Variants in TDRD3 observed in about 807,000 individuals in gnomAD.
TDRD3 encodes tudor domain containing 3.
TDRD3 carries 45 observed loss-of-function variants against 86.7 expected under a neutral mutation model. The observed-to-expected ratio is 0.52, with a 90% CI of 0.41 to 0.67. The LOEUF (loss-of-function observed/expected upper bound fraction) is 0.67, where lower values mean the gene tolerates loss of function less well. Among genes scored for constraint, TDRD3 ranks in the 30% least tolerant of loss-of-function variants. TDRD3 has a pLI of 0.00. For synonymous variants in TDRD3, 298 were observed against 301.7 expected, an observed-to-expected ratio of 0.99 and a Z score of 0.13; for missense variants, 814 against 889.0, an observed-to-expected ratio of 0.92 and a Z score of 1.07.
chr13:60,396,000 G>T (rs1953890273), upstream of TDRD3, among the ~76,000 whole-genome samples: 2 of 152,138 alleles, frequency 1.3e-5, no homozygotes, highest in Non-Finnish European at 2.9e-5. Flanking sequence ...AGACCAAACG[G>T]AATACCCCAG....
intron 11 of TDRD3, among the ~76,000 whole-genome samples, chr13:60,533,686 A>G (rs1957634638): frequency 6.6e-6 from 1 of 152,132 alleles, no homozygotes; most frequent in African/African-American, 2.4e-5. Flanking sequence ...TTATACTGTA[A>G]TAGAGTATTC....
Position 60,528,417 on chromosome 13 carries a change from A to G in TDRD3, c.1192A>G (p.Asn398Asp), listed in dbSNP as rs775468680. Residue 398 changes from asparagine (N) to aspartate (D), a missense_variant, in exon 11 of 14, where the codon AAT becomes GAT. Asn to Asp is a conservative substitution (Grantham distance 23, BLOSUM62 1). Coordinates refer to ENST00000377881, the MANE Select transcript of TDRD3 (RefSeq NM_001146070.2). Reference sequence around the variant, plus strand: ...TCATCAGGGACAATACAGATCATCAAATACTGAGCAAAATGGAGTAAAAGA... The same window carrying G: ...TCATCAGGGACAATACAGATCATCAGATACTGAGCAAAATGGAGTAAAAGA... ...QLHQGQYRSS[N>D]TEQNGVKDNN... is the part of the protein sequence containing the mutation. The G allele has an allele frequency of 2.5e-6, 4 of 1,613,364 alleles. No homozygotes were observed. In the South Asian group the frequency reaches 4.4e-5, roughly 18 times the overall value.
intron 1 of TDRD3, among the ~76,000 whole-genome samples, chr13:60,415,456 A>G (rs1246228633): frequency 2.0e-5 from 3 of 152,126 alleles, no homozygotes; most frequent in Admixed American, 6.6e-5. Context: ...TATAATTAAC[A>G]TATTGGTAAT....
intron 5 of TDRD3, among the ~76,000 whole-genome samples, chr13:60,481,153 A>C (rs755183267): frequency 7.9e-5 from 12 of 152,132 alleles, no homozygotes; most frequent in Non-Finnish European, 1.6e-4. Context: ...GGACTCTTAG[A>C]GGAGTGTTTT....
At chr13:60,461,872 C>T (rs1280893695) in intron 4 of TDRD3, among the ~76,000 whole-genome samples, 1 of 152,146 alleles carries the variant, frequency 6.6e-6, no homozygotes, top group Non-Finnish European at 1.5e-5. Flanking sequence ...CATGCAGAGA[C>T]ACAGTGTTCT....
At chr13:60,464,076 A>G (rs1482449668) in intron 4 of TDRD3, among the ~76,000 whole-genome samples, 4 of 152,122 alleles carry the variant, frequency 2.6e-5, no homozygotes, top group Admixed American at 2.6e-4. Context: ...TGTGATCTGC[A>G]TATACCCCTT....
intron 13 of TDRD3, among the ~76,000 whole-genome samples, chr13:60,569,515 A>T (rs1429425341): frequency 6.6e-6 from 1 of 152,208 alleles, no homozygotes; most frequent in Admixed American, 6.5e-5. Context: ...CAATCTACAG[A>T]TTTAATGAAA....
chr13:60,503,980 T>C (rs1056820038), intron 8 of TDRD3, among the ~76,000 whole-genome samples: 10 of 152,370 alleles, frequency 6.6e-5, no homozygotes, highest in Middle Eastern at 3.4e-3. Context: ...CAGATTGGCA[T>C]CAGAAGAAAA....
intron 12 of TDRD3, 126 bp from the exon 13 acceptor site, chr13:60,567,399 G>C (rs1958485162): frequency 8.3e-6 from 10 of 1,210,348 alleles, no homozygotes; most frequent in Non-Finnish European, 1.1e-5. Flanking sequence ...TGTTGTAAAA[G>C]TTGACATGTG....
At chr13:60,417,726 T>C (rs889791021) in intron 1 of TDRD3, among the ~76,000 whole-genome samples, 2 of 152,188 alleles carry the variant, frequency 1.3e-5, no homozygotes, top group Non-Finnish European at 2.9e-5. Flanking sequence ...TGAAATACTC[T>C]GCACAATTCG....
intron 11 of TDRD3, among the ~76,000 whole-genome samples, chr13:60,533,926 T>C (rs369673809): frequency 6.6e-6 from 1 of 152,226 alleles, no homozygotes; most frequent in East Asian, 1.9e-4. Context: ...CATTCAGACC[T>C]ACAATTTGGG....
chr13:60,444,589 C>A, intron 2 of TDRD3, 94 bp from the exon 3 acceptor site: 2 of 749,918 alleles, frequency 2.7e-6, no homozygotes, highest in Non-Finnish European at 2.1e-6. Context: ...TTTTGTTTCA[C>A]AAACCATAAG....
intron 1 of TDRD3, among the ~76,000 whole-genome samples, chr13:60,404,088 TG>T (rs1954170553): frequency 6.6e-6 from 1 of 152,218 alleles, no homozygotes; most frequent in Admixed American, 6.5e-5. Flanking sequence ...TTGGGAAGGT[TG>T]GAAGCCTTTC....
intron 10 of TDRD3, among the ~76,000 whole-genome samples, chr13:60,521,255 G>A (rs1957279241): frequency 6.6e-6 from 1 of 152,156 alleles, no homozygotes; most frequent in Non-Finnish European, 1.5e-5. Context: ...AGGTAATGGT[G>A]TTAAACAGAT....
At chr13:60,490,909 G>A (rs9528148) in intron 7 of TDRD3, among the ~76,000 whole-genome samples, 20,831 of 151,956 alleles carry the variant, frequency 0.14, 1,496 homozygotes, top group East Asian at 0.2. Flanking sequence ...CCTGAGGTCG[G>A]GAGTTTGAGA....
chr13:60,563,888 G>A (rs1314294328), intron 12 of TDRD3, among the ~76,000 whole-genome samples: 1 of 152,202 alleles, frequency 6.6e-6, no homozygotes, highest in African/African-American at 2.4e-5. Context: ...ACAGTAATGA[G>A]AGATTGAAGA....
rs568482521 is a variant in TDRD3, at chr13:60,528,932, T to C, written c.1707T>C (p.Asn569=). The C allele has an allele frequency of 3.1e-6, 5 of 1,613,558 alleles. No homozygotes were observed. The highest frequency in any genetic ancestry group is 4.2e-6 in the Non-Finnish European group (5 of 1,179,820). ...FSGIKIEKHF[N]VNTDYQNPVR... Reference sequence around the variant, plus strand: ...GTATAAAAATTGAAAAACATTTTAATGTAAATACTGATTATCAGAATCCAG... The same window carrying C: ...GTATAAAAATTGAAAAACATTTTAACGTAAATACTGATTATCAGAATCCAG... Residue 569 remains asparagine, a synonymous_variant, in exon 11 of 14, where the codon AAT becomes AAC. Transcript: ENST00000377881.
At chr13:60,527,010 T>G (rs1299151706) in intron 10 of TDRD3, among the ~76,000 whole-genome samples, 2 of 152,080 alleles carry the variant, frequency 1.3e-5, no homozygotes, top group Non-Finnish European at 2.9e-5. Context: ...AATTTTTGTA[T>G]TTTTAGTAGA....
intron 5 of TDRD3, among the ~76,000 whole-genome samples, chr13:60,476,620 A>G (rs1279789308): frequency 6.6e-6 from 1 of 152,062 alleles, no homozygotes; most frequent in Non-Finnish European, 1.5e-5. Context: ...TGATAGGAAT[A>G]GTGTTGAATC....
Sources: gnomAD v4.1 joint callset for allele counts (sites outside exome capture counted in the v4.1 genomes callset) on GRCh38, gnomAD v4.1.1 for gene constraint, MANE v1.5 for transcripts, NCBI Gene and HGNC (gene_info 2026-07-23, HGNC 2026-07-21) for gene names.